The following FABP1 variants were observed in gnomAD, a reference collection of about 807,000 sequenced individuals.
The protein encoded by FABP1 is fatty acid binding protein 1, also known as fatty acid-binding protein, liver.
A neutral mutation model predicts 13.7 loss-of-function variants in FABP1; 13 were observed. The ratio of observed to expected loss-of-function variants is 0.95; its 90% CI spans 0.62 to 1.51. The LOEUF (loss-of-function observed/expected upper bound fraction) is 1.51. Ranked by LOEUF, FABP1 falls within the 40% of genes most tolerant of loss-of-function variation. The probability of loss-of-function intolerance (pLI) is 0.00; values close to 1 mark genes in which losing one functional copy is unlikely to be tolerated. For missense variants in FABP1, 140 were observed against 155.7 expected (o/e 0.90, Z 0.54); for synonymous variants, 48 against 59.8 (o/e 0.80, Z 0.91).
intron 2 of FABP1, among the ~76,000 whole-genome samples, chr2:88,125,090 A>AT (rs1367684982): frequency 2.0e-5 from 3 of 151,618 alleles, no homozygotes; most frequent in Admixed American, 6.6e-5. Flanking sequence ...GATTGTAGGC[A>AT]TGAGCCACCC....
chr2:88,126,117 T>G, intron 2 of FABP1, 59 bp downstream of exon 2: 92 of 1,528,584 alleles, frequency 6.0e-5, no homozygotes, highest in Non-Finnish European at 7.8e-5. Flanking sequence ...CCTTGAGGAA[T>G]GAGGTCCCAG....
chr2:88,127,426 T>C (rs13400963), intron 1 of FABP1, among the ~76,000 whole-genome samples: 7,051 of 152,258 alleles, frequency 0.046, 531 homozygotes, highest in African/African-American at 0.16. Context: ...GGGAAAATAA[T>C]GGTACCCAGC....
intron 2 of FABP1, among the ~76,000 whole-genome samples, chr2:88,124,836 C>A (rs1157762539): frequency 6.6e-6 from 1 of 152,158 alleles, no homozygotes; most frequent in Non-Finnish European, 1.5e-5. Flanking sequence ...GCATGGAACA[C>A]CTAAGTGGCC....
At position 88,125,971 on chromosome 2, in the gene FABP1, C is replaced by G. The variant is rs186884548; in HGVS notation, c.240+205G>C. On this transcript the variant is annotated intron_variant, in intron 2 of 3. Coordinates refer to ENST00000295834, the MANE Select transcript of FABP1 (RefSeq NM_001443.3). ...TCAGACTTTAGGGGCTGGAACACCC[C>G]CCAGACAGTCCCTGGGAAGAGGAGA... The G allele has an allele frequency of 5.2e-4, 262 of 501,942 alleles. 1 individual carries two copies. The highest frequency in any genetic ancestry group is 4.3e-3 in the African/African-American group (228 of 52,928). The allele number at this position is 501,942 out of a possible 1,614,324, so 31.1% of individuals were successfully genotyped here. A position where few individuals can be genotyped will look rare whatever the true frequency, so the allele number is the denominator to read the frequency against.
intron 2 of FABP1, 76 bp downstream of exon 2, chr2:88,126,100 G>A: frequency 1.4e-6 from 2 of 1,476,736 alleles, no homozygotes; most frequent in Non-Finnish European, 1.9e-6. Context: ...GAATTGTGAG[G>A]TTTGAGCCTT....
At chr2:88,126,466 A>T in intron 1 of FABP1, 118 bp from the exon 2 acceptor site, 1 of 1,046,078 alleles carries the variant, frequency 9.6e-7, no homozygotes, top group South Asian at 1.5e-5. Context: ...GTGTCTCCCA[A>T]GGGGCCACAG....
At chr2:88,123,418 T>C (rs1414112080) in intron 3 of FABP1, 1 of 365,296 alleles carries the variant, frequency 2.7e-6, no homozygotes, top group Non-Finnish European at 5.0e-6. Flanking sequence ...TTCTCAAAAT[T>C]TCATTGAGTA....
At chr2:88,123,152 G>GTAAAAAACAAAATTAAGCA (rs549145956) in intron 3 of FABP1, 48 bp from the exon 4 acceptor site, 3 of 1,505,104 alleles carry the variant, frequency 2.0e-6, no homozygotes, top group Non-Finnish European at 2.7e-6. Flanking sequence ...ATGTTGTATT[G>GTAAAAAACAAAATTAAGCA]TAAAAAACAA....
In FABP1 at chr2:88,127,944, C is replaced by T. The variant is rs765113467; in HGVS notation, c.67+7G>A. 1.2e-6 allele frequency: 2 copies of T among 1,614,140 alleles called. No individual in the cohort carries two copies. Among genetic ancestry groups the T allele is most frequent in the African/African-American group, 2.7e-5 (2 of 75,056 alleles). Reference sequence around the variant, plus strand: ...CCCACAGCTTTGCCTTTCAGTCCAGCACTCACCGATTGCCTTCATGAAGGC... The same window carrying T: ...CCCACAGCTTTGCCTTTCAGTCCAGTACTCACCGATTGCCTTCATGAAGGC... On this transcript the variant is annotated splice_region_variant and intron_variant, in intron 1 of 3. Coordinates refer to ENST00000295834, the MANE Select transcript of FABP1 (RefSeq NM_001443.3).
chr2:88,123,172 T>C (rs1261967966), intron 3 of FABP1, 68 bp from the exon 4 acceptor site: 7 of 1,358,796 alleles, frequency 5.2e-6, no homozygotes, highest in Non-Finnish European at 1.0e-6. Flanking sequence ...AAATTAAGCA[T>C]AAAAAACAAA....
chr2:88,126,189 C>G lies in FABP1; in HGVS notation c.227G>C (p.Gly76Ala). The G allele has an allele frequency of 6.2e-7, 1 of 1,607,006 alleles. No homozygotes were observed. The highest frequency in any genetic ancestry group is 1.3e-5 in the African/African-American group (1 of 74,922). Residue 76 changes from glycine to alanine, a missense_variant, in exon 2 of 4, where the codon GGG (glycine) becomes GCG (alanine). Transcript: ENST00000295834. The stretch of plus-strand genomic sequence containing the variant: ...ATGCCCTCCTACCTTGACTTTCTCC[C>G]CTGTCATTGTCTCCAGCTCACATTC... ...GEECELETMT[G>A]EKVKTVVQLE...
intron 2 of FABP1, among the ~76,000 whole-genome samples, chr2:88,125,594 C>T (rs1444295374): frequency 6.6e-6 from 1 of 152,234 alleles, no homozygotes; most frequent in African/African-American, 2.4e-5. Context: ...CTGCCCTGCA[C>T]TGCCTTCAGT....
In FABP1 at chr2:88,126,298, C is replaced by T; in HGVS notation, c.118G>A (p.Glu40Lys). Residue 40 changes from glutamate to lysine, a missense_variant, in exon 2 of 4, where the codon GAA becomes AAA. Transcript: ENST00000295834. ...AAGTGCTTCCCATTCTGCACGATTT[C>T]CGACACCCCCTTGATATCCTTCCCC... ...QKGKDIKGVS[E>K]IVQNGKHFKF... is the part of the protein sequence containing the mutation. 1 of 1,614,012 alleles carries T rather than the reference C, an allele frequency of 6.2e-7. No homozygotes were observed. The highest frequency in any genetic ancestry group is 8.5e-7 in the Non-Finnish European group (1 of 1,179,898).
intron 2 of FABP1, chr2:88,125,954 T>C: frequency 2.3e-6 from 1 of 441,406 alleles, no homozygotes. Context: ...GCTCAGACTT[T>C]AGGGGCTGGA....
chr2:88,126,353 T>C lies in FABP1; in HGVS notation c.68-5A>G. The C allele has an allele frequency of 6.2e-7, 1 of 1,612,170 alleles. No individual in the cohort carries two copies. The highest frequency in any genetic ancestry group is 8.5e-7 in the Non-Finnish European group (1 of 1,178,406). ...GGATGAGCTCTTCCGGCAGACCTGG[T>C]GGAAACCGTCTGAGGTTTAGATATG... On this transcript the variant is annotated splice_region_variant and splice_polypyrimidine_tract_variant and intron_variant, in intron 1 of 3. Transcript: ENST00000295834.
chr2:88,127,429 T>C (rs955756924), intron 1 of FABP1, among the ~76,000 whole-genome samples: 3 of 152,188 alleles, frequency 2.0e-5, no homozygotes, highest in African/African-American at 7.2e-5. Context: ...AAAATAATGG[T>C]ACCCAGCTTA....
chr2:88,126,194 C>T lies in FABP1; in HGVS notation c.222G>A (p.Met74Ile). Residue 74 changes from methionine (M) to isoleucine (I), a missense_variant, in exon 2 of 4, where the codon ATG becomes ATA. Transcript: ENST00000295834. ...CTCCTACCTTGACTTTCTCCCCTGT[C>T]ATTGTCTCCAGCTCACATTCCTCCC... is the stretch of plus-strand genomic sequence containing the variant. ...TVGEECELETMTGEKVKTVVQ... is the reference protein window; with the variant it reads ...TVGEECELETITGEKVKTVVQ... 1 of 1,608,890 alleles carries T rather than the reference C, an allele frequency of 6.2e-7. No individual in the cohort carries two copies. Among genetic ancestry groups the T allele is most frequent in the Non-Finnish European group, 8.5e-7 (1 of 1,175,914 alleles).
Position 88,126,256 on chromosome 2 carries a change from C to A in FABP1, c.160G>T (p.Ala54Ser). Reference sequence around the variant, plus strand: ...TCGTTTTGGATCACTTTGGACCCAGCGGTGATGGTGAACTTGAAGTGCTTC... The same window carrying A: ...TCGTTTTGGATCACTTTGGACCCAGAGGTGATGGTGAACTTGAAGTGCTTC... Reference protein sequence around the residue: ...NGKHFKFTITAGSKVIQNEFT... With the variant: ...NGKHFKFTITSGSKVIQNEFT... The change falls in exon 2 of 4, where the codon GCT (alanine) becomes TCT (serine). Residue 54 changes from alanine (A) to serine (S), a missense_variant. Coordinates refer to ENST00000295834, the MANE Select transcript of FABP1 (RefSeq NM_001443.3). 6.2e-7 allele frequency: 1 copy of A among 1,613,938 alleles called. No homozygotes were observed. Among genetic ancestry groups the A allele is most frequent in the East Asian group, 2.2e-5 (1 of 44,868 alleles).
chr2:88,127,232 C>T (rs1328091754), intron 1 of FABP1, among the ~76,000 whole-genome samples: 1 of 152,176 alleles, frequency 6.6e-6, no homozygotes, highest in Non-Finnish European at 1.5e-5. Context: ...CTCCACTGAG[C>T]CATCCCCCCA....
Sources: gnomAD v4.1 joint callset for allele counts (sites outside exome capture counted in the v4.1 genomes callset) on GRCh38, gnomAD v4.1.1 for gene constraint, MANE v1.5 for transcripts, NCBI Gene and HGNC (gene_info 2026-07-23, HGNC 2026-07-21) for gene names.